Variants in CD81 observed in about 807,000 individuals in gnomAD.
CD81 encodes the protein CD81 molecule.
A neutral mutation model predicts 30.1 loss-of-function variants in CD81; 10 were observed. The observed-to-expected ratio is 0.33, with a 90% CI of 0.21 to 0.56. The LOEUF is 0.56. Ranked by LOEUF, CD81 falls within the 20% of genes least tolerant of loss-of-function variation. The pLI is 0.89. For missense variants in CD81, 263 were observed against 308.7 expected (o/e 0.85, Z 1.11); for synonymous variants, 147 against 126.4 (o/e 1.16, Z -1.10).
intron 3 of CD81, 62 bp from the exon 4 acceptor site, chr11:2,394,910 T>C: frequency 6.8e-7 from 1 of 1,469,884 alleles, no homozygotes; most frequent in African/African-American, 1.4e-5. Context: ...CCTGGGTGTG[T>C]GTCCTTGGGC....
intron 1 of CD81, among the ~76,000 whole-genome samples, chr11:2,389,861 C>T (rs1337966198): frequency 1.3e-5 from 2 of 152,074 alleles, no homozygotes; most frequent in Non-Finnish European, 1.5e-5. Context: ...GCCCCCACCC[C>T]AGAGTTCTCA....
In CD81 at chr11:2,385,993, T is replaced by G. The variant is rs1028441839; in HGVS notation, c.67-4419T>G. ...CAGCAGTTTTACATAACTGCCAAAC[T>G]GTTATTCAAGGTGGCTGGACCGTTT... On this transcript the variant is annotated intron_variant, in intron 1 of 7. Coordinates refer to ENST00000263645, the MANE Select transcript of CD81 (RefSeq NM_004356.4). 2.5e-5 allele frequency: 18 copies of G among 708,792 alleles called. No homozygotes were observed. The African/African-American group carries it at 3.2e-4, about 12-fold the overall frequency. The allele number at this position is 708,792 out of a possible 1,614,324, so 43.9% of individuals were successfully genotyped here.
chr11:2,395,527 C>A lies in CD81; in HGVS notation c.459+7C>A, dbSNP rs1034537191. The A allele has an allele frequency of 3.1e-6, 5 of 1,609,616 alleles. No homozygotes were observed. The highest frequency in any genetic ancestry group is 4.2e-6 in the Non-Finnish European group (5 of 1,177,184). On this transcript the variant is annotated splice_region_variant and intron_variant, in intron 5 of 7. Transcript: ENST00000263645. ...GAAGACCTTCCACGAGACGGTGCGG[C>A]CCCGGGGGGCGAGGGCGGGGAGCAG...
chr11:2,393,601 G>C (rs2133461103), intron 2 of CD81: 1 of 490,360 alleles, frequency 2.0e-6, no homozygotes, highest in East Asian at 3.5e-5. Flanking sequence ...CACCACACTG[G>C]GGAGGCAGCA....
chr11:2,388,352 C>T (rs770707960), intron 1 of CD81, among the ~76,000 whole-genome samples: 4 of 152,160 alleles, frequency 2.6e-5, no homozygotes, highest in Admixed American at 1.3e-4. Flanking sequence ...GACCCTAGAC[C>T]GGCCTGACCG....
rs953953209 is a variant in CD81 at position 2,390,478 on chromosome 11, C to T, written c.133C>T (p.Leu45=). 2 of 1,613,006 alleles carry T rather than the reference C, an allele frequency of 1.2e-6. No individual in the cohort carries two copies. Among genetic ancestry groups the T allele is most frequent in the Admixed American group, 3.3e-5 (2 of 60,032 alleles). Residue 45 remains leucine, a synonymous_variant, in exon 2 of 8, where the codon CTG becomes TTG. Transcript: ENST00000263645. ...LRHDPQTTNL[L]YLELGDKPAP... The stretch of plus-strand genomic sequence containing the variant: ...CCATGACCCGCAGACCACCAACCTC[C>T]TGTATCTGGAGCTGGGAGACAAGCC...
At chr11:2,395,746 G>GC (rs1398741490) in intron 5 of CD81, 123 bp from the exon 6 acceptor site, 2 of 791,098 alleles carry the variant, frequency 2.5e-6, no homozygotes, top group Non-Finnish European at 4.4e-6. Flanking sequence ...AAGAAGGCTG[G>GC]CCCCTGGATG....
intron 1 of CD81, among the ~76,000 whole-genome samples, chr11:2,383,162 G>C (rs1244034642): frequency 3.3e-5 from 5 of 152,232 alleles, no homozygotes; most frequent in Non-Finnish European, 7.3e-5. Context: ...CTCGGGGCCA[G>C]GGGCCCTGTG....
intron 4 of CD81, 63 bp downstream of exon 4, chr11:2,395,109 C>T (rs557953345): frequency 1.7e-4 from 238 of 1,402,820 alleles, no homozygotes; most frequent in Non-Finnish European, 2.2e-4. Flanking sequence ...TCTCCTGTCG[C>T]GGGTGGGGGT....
chr11:2,385,057 C>T (rs190377511), intron 1 of CD81, among the ~76,000 whole-genome samples: 4 of 152,164 alleles, frequency 2.6e-5, no homozygotes, highest in Admixed American at 6.5e-5. Flanking sequence ...TTTCCCATGC[C>T]GCTGCTTGCC....
At chr11:2,389,517 G>A (rs78885814) in intron 1 of CD81, among the ~76,000 whole-genome samples, 1 of 152,086 alleles carries the variant, frequency 6.6e-6, no homozygotes, top group African/African-American at 2.4e-5. Context: ...AGTCTCAAGG[G>A]CAGACCCCAC....
chr11:2,390,640 G>A lies in CD81; in HGVS notation c.181+114G>A, dbSNP rs1317553633. 3.1e-5 allele frequency: 24 copies of A among 786,218 alleles called. No homozygotes were observed. The East Asian group carries it at 3.7e-4, about 12-fold the overall frequency. 48.7% of individuals were successfully genotyped at this position (786,218 alleles called of 1,614,324 possible). A position where few individuals can be genotyped will look rare whatever the true frequency, so the allele number is the denominator to read the frequency against. On this transcript the variant is annotated intron_variant, in intron 2 of 7. Coordinates refer to ENST00000263645, the MANE Select transcript of CD81 (RefSeq NM_004356.4). Reference sequence around the variant, plus strand: ...AAAGACAGTCGGGCATGGCGTGTCCGGGCAGGGAGGCGGCCCTGGAAAGGG... The same window carrying A: ...AAAGACAGTCGGGCATGGCGTGTCCAGGCAGGGAGGCGGCCCTGGAAAGGG...
intron 1 of CD81, among the ~76,000 whole-genome samples, chr11:2,388,488 G>A (rs1046586616): frequency 1.3e-5 from 2 of 152,196 alleles, no homozygotes; most frequent in Admixed American, 6.5e-5. Flanking sequence ...AGGGCCATTG[G>A]AACAGGAGTG....
At chr11:2,383,259 G>T (rs1849732614) in intron 1 of CD81, among the ~76,000 whole-genome samples, 1 of 152,178 alleles carries the variant, frequency 6.6e-6, no homozygotes, top group Admixed American at 6.5e-5. Flanking sequence ...GCCACAACGG[G>T]GTCAGAGGGG....
At chr11:2,382,711 C>CA (rs1312805136) in intron 1 of CD81, among the ~76,000 whole-genome samples, 3 of 152,220 alleles carry the variant, frequency 2.0e-5, no homozygotes, top group Non-Finnish European at 2.9e-5. Context: ...AGCATGATAT[C>CA]CGCTGCGGTG....
At position 2,396,728 on chromosome 11, in the gene CD81, G is replaced by C; in HGVS notation, c.648+14G>C. The C allele has an allele frequency of 6.2e-7, 1 of 1,611,534 alleles. No homozygotes were observed. Among genetic ancestry groups the C allele is most frequent in the Non-Finnish European group, 8.5e-7 (1 of 1,179,922 alleles). On this transcript the variant is annotated intron_variant, in intron 7 of 7. Coordinates refer to ENST00000263645, the MANE Select transcript of CD81 (RefSeq NM_004356.4). ...GCTGTGATCATGGTGAGCGGGCGGG[G>C]GCGGAGGGCCTGCTCTCTGGGCTGC... is the stretch of plus-strand genomic sequence containing the variant.
At chr11:2,384,092 G>GC (rs1211028316) in intron 1 of CD81, among the ~76,000 whole-genome samples, 3 of 152,322 alleles carry the variant, frequency 2.0e-5, no homozygotes, top group East Asian at 3.9e-4. Context: ...GTGCTTGGCA[G>GC]CCCCCCTTTT....
In CD81 at chr11:2,396,928, G is replaced by C; in HGVS notation, c.*62G>C. 6.8e-7 allele frequency: 1 copy of C among 1,477,420 alleles called. No homozygotes were observed. 91.5% of individuals were successfully genotyped at this position (1,477,420 alleles called of 1,614,324 possible). ...CCCCCTAAGTGACCCGGACACTTCC[G>C]AGGGGGCCATCACCGCCTGTGTATA... is the stretch of plus-strand genomic sequence containing the variant. On this transcript the variant is annotated 3_prime_UTR_variant, in exon 8 of 8. Coordinates refer to ENST00000263645, the MANE Select transcript of CD81 (RefSeq NM_004356.4).
intron 1 of CD81, chr11:2,386,405 G>T (rs1310816549): frequency 3.1e-6 from 2 of 647,506 alleles, no homozygotes; most frequent in South Asian, 1.7e-5. Flanking sequence ...TTGTTATGGG[G>T]CAGGGGCACC....
Sources: gnomAD v4.1 joint callset for allele counts (sites outside exome capture counted in the v4.1 genomes callset) on GRCh38, gnomAD v4.1.1 for gene constraint, MANE v1.5 for transcripts, NCBI Gene and HGNC (gene_info 2026-07-23, HGNC 2026-07-21) for gene names.